Variants in ATP8A1 observed in about 807,000 individuals in gnomAD.
The protein encoded by ATP8A1 is phospholipid-transporting ATPase IA.
A neutral mutation model predicts 177.7 loss-of-function variants in ATP8A1; 90 were observed. That is an observed-to-expected ratio of 0.51 (90% CI 0.43 to 0.60). The LOEUF (loss-of-function observed/expected upper bound fraction) is 0.60. Among genes scored for constraint, ATP8A1 ranks in the 20% least tolerant of loss-of-function variants. The pLI, the probability that ATP8A1 is intolerant of heterozygous loss-of-function variation, is 0.00. For missense variants in ATP8A1, 1,072 were observed against 1,392.8 expected (o/e 0.77, Z 3.67); for synonymous variants, 493 against 485.9 (o/e 1.01, Z -0.19).
intron 25 of ATP8A1, chr4:42,472,242 T>G: frequency 1.7e-6 from 1 of 576,390 alleles, no homozygotes; most frequent in South Asian, 1.4e-5. Context: ...TGAAACTGGA[T>G]GACAGCCGGC....
At chr4:42,417,876 C>T (rs1713427323) in intron 35 of ATP8A1, among the ~76,000 whole-genome samples, 1 of 152,162 alleles carries the variant, frequency 6.6e-6, no homozygotes, top group African/African-American at 2.4e-5. Flanking sequence ...CCTATCTCTG[C>T]CCTGGAGCTG....
At chr4:42,436,071 G>A (rs1715959512) in intron 33 of ATP8A1, among the ~76,000 whole-genome samples, 1 of 152,128 alleles carries the variant, frequency 6.6e-6, no homozygotes, top group African/African-American at 2.4e-5. Context: ...CATATTTATG[G>A]AATGAATGAA....
At chr4:42,490,218 T>C (rs1279875175) in intron 24 of ATP8A1, among the ~76,000 whole-genome samples, 1 of 152,222 alleles carries the variant, frequency 6.6e-6, no homozygotes, top group African/African-American at 2.4e-5. Context: ...CAGTGCTCAC[T>C]GGAAGCCCTT....
chr4:42,444,500 G>C, intron 32 of ATP8A1, 78 bp downstream of exon 32: 1 of 1,391,170 alleles, frequency 7.2e-7, no homozygotes, highest in Non-Finnish European at 1.0e-6. Context: ...TCAAGTTAGA[G>C]TGAAGACCAC....
intron 23 of ATP8A1, 57 bp from the exon 24 acceptor site, chr4:42,503,571 G>T: frequency 8.6e-7 from 1 of 1,158,034 alleles, no homozygotes. Flanking sequence ...ATGTAAAGAT[G>T]TTAAAACAAT....
chr4:42,644,012 G>T (rs562112646), intron 1 of ATP8A1, among the ~76,000 whole-genome samples: 1 of 152,288 alleles, frequency 6.6e-6, no homozygotes, highest in African/African-American at 2.4e-5. Flanking sequence ...CGTGTCATCT[G>T]GTACTGAGCA....
rs920065773 is a variant in ATP8A1 at position 42,567,521 on chromosome 4, A to G, written c.1340+1640T>C. Among the ~76,000 whole-genome samples, 35 of 152,330 alleles carry G rather than the reference A, an allele frequency of 2.3e-4. No homozygotes were observed. In the Middle Eastern group the frequency reaches 0.014, roughly 59 times the overall value. On this transcript the variant is annotated intron_variant, in intron 15 of 36. Transcript: ENST00000381668. ...GCCACTGCATTCCAGCCTGGGTGAT[A>G]GAGTGAGACTCCCTCTTAACAAACA...
chr4:42,522,441 C>A, intron 21 of ATP8A1, 142 bp from the exon 22 acceptor site: 1 of 989,564 alleles, frequency 1.0e-6, no homozygotes, highest in Non-Finnish European at 1.5e-6. Context: ...TAAATTATGA[C>A]AAAAACTTAG....
intron 22 of ATP8A1, among the ~76,000 whole-genome samples, chr4:42,519,904 CATATAGACACAT>C (rs1050431282): frequency 5.9e-5 from 9 of 152,106 alleles, no homozygotes; most frequent in Admixed American, 5.2e-4. Context: ...TACATGGATG[CATATAGACACAT>C]ATATAGATGC....
At chr4:42,485,902 T>C (rs1722149263) in intron 24 of ATP8A1, among the ~76,000 whole-genome samples, 1 of 152,220 alleles carries the variant, frequency 6.6e-6, no homozygotes, top group African/African-American at 2.4e-5. Context: ...CCTAGCAGGG[T>C]TGGGACTAGA....
At chr4:42,504,218 C>T (rs543124219) in intron 23 of ATP8A1, among the ~76,000 whole-genome samples, 5 of 152,262 alleles carry the variant, frequency 3.3e-5, no homozygotes, top group African/African-American at 9.6e-5. Context: ...TTTGAAACTC[C>T]TATGTTCAAC....
At chr4:42,448,396 C>CTTTTTTTT (rs1717524401) in intron 30 of ATP8A1, among the ~76,000 whole-genome samples, 12 of 84,130 alleles carry the variant, frequency 1.4e-4, no homozygotes, top group African/African-American at 4.8e-4. Flanking sequence ...CCTTCTCTTT[C>CTTTTTTTT]TTTTCTTTTT....
intron 5 of ATP8A1, among the ~76,000 whole-genome samples, chr4:42,609,427 C>A (rs1028655178): frequency 6.6e-6 from 1 of 152,234 alleles, no homozygotes; most frequent in Non-Finnish European, 1.5e-5. Context: ...CTCCTGCTCA[C>A]AGTCATGAGT....
intron 22 of ATP8A1, 89 bp from the exon 23 acceptor site, chr4:42,507,243 A>C: frequency 1.5e-6 from 2 of 1,318,554 alleles, no homozygotes; most frequent in Admixed American, 4.3e-5. Flanking sequence ...TTTTAAAATC[A>C]GAGACTAAAT....
At chr4:42,555,123 ATCT>A (rs775714224) in intron 16 of ATP8A1, among the ~76,000 whole-genome samples, 1,382 of 97,092 alleles carry the variant, frequency 0.014, 13 homozygotes, top group Admixed American at 0.019. Flanking sequence ...CTATCTATCT[ATCT>A]ATCTATCTAT....
chr4:42,468,434 C>CACAA (rs1720031590), intron 25 of ATP8A1, among the ~76,000 whole-genome samples: 1 of 62,002 alleles, frequency 1.6e-5, no homozygotes. Flanking sequence ...ATTTTATACA[C>CACAA]ACACACACAC....
At chr4:42,532,510 C>CA (rs1301903445) in intron 20 of ATP8A1, among the ~76,000 whole-genome samples, 7 of 151,308 alleles carry the variant, frequency 4.6e-5, no homozygotes, top group South Asian at 2.1e-4. Flanking sequence ...GAAGGTGACA[C>CA]AAAAAAAATA....
In ATP8A1 at chr4:42,494,169, A is replaced by AC. The variant is rs1360637070; in HGVS notation, c.2152-8502_2152-8501insG. 1.3e-3 allele frequency among the ~76,000 whole-genome samples: 189 copies of AC among 140,466 alleles called. 1 individual carries two copies. Among genetic ancestry groups the AC allele is most frequent in the African/African-American group, 5.5e-3 (185 of 33,680 alleles). 92.2% of individuals were successfully genotyped at this position (140,466 alleles called of 152,430 possible). A position where few individuals can be genotyped will look rare whatever the true frequency, so the allele number is the denominator to read the frequency against. Reference sequence around the variant, plus strand: ...TGAGCCAAGATCATGCCACAAAAAAAAAAAAAAAAAAAAAAAAAAGAGGTC... The same window carrying AC: ...TGAGCCAAGATCATGCCACAAAAAAACAAAAAAAAAAAAAAAAAAAGAGGTC... On this transcript the variant is annotated intron_variant, in intron 24 of 36. Transcript: ENST00000381668.
At chr4:42,569,703 C>T (rs1380747) in intron 14 of ATP8A1, among the ~76,000 whole-genome samples, 26,237 of 152,062 alleles carry the variant, frequency 0.17, 2,479 homozygotes, top group East Asian at 0.24. Context: ...TAAAAGTTAC[C>T]TGCATTTCTA....
Sources: gnomAD v4.1 joint callset for allele counts (sites outside exome capture counted in the v4.1 genomes callset) on GRCh38, gnomAD v4.1.1 for gene constraint, MANE v1.5 for transcripts, NCBI Gene and HGNC (gene_info 2026-07-23, HGNC 2026-07-21) for gene names.